SYT16: variants seen among roughly 807,000 people sequenced by gnomAD.
SYT16 encodes synaptotagmin-16.
SYT16 carries 42 observed loss-of-function variants against 61.4 expected under a neutral mutation model. The ratio of observed to expected loss-of-function variants is 0.68; its 90% confidence interval spans 0.53 to 0.89. The LOEUF (loss-of-function observed/expected upper bound fraction) is 0.89. Among genes scored for constraint, SYT16 ranks in the 40% least tolerant of loss-of-function variants. The pLI is 0.00. For synonymous variants in SYT16, 314 were observed against 302.3 expected (o/e 1.04, Z -0.40); for missense variants, 804 against 807.3 (o/e 1.00, Z 0.05).
intron 3 of SYT16, among the ~76,000 whole-genome samples, chr14:62,015,118 T>C (rs2053617218): frequency 1.3e-5 from 2 of 152,230 alleles, no homozygotes; most frequent in Non-Finnish European, 2.9e-5. Context: ...CTGCTTCCTC[T>C]TCTATGTTCC....
chr14:61,854,695 C>A (rs2140276770), intron 1 of SYT16, among the ~76,000 whole-genome samples: 1 of 152,356 alleles, frequency 6.6e-6, no homozygotes, highest in South Asian at 2.1e-4. Context: ...AGGAACCCAA[C>A]ATTGATTGCC....
chr14:61,857,438 C>A (rs896285222), intron 1 of SYT16, among the ~76,000 whole-genome samples: 78 of 152,166 alleles, frequency 5.1e-4, no homozygotes, highest in African/African-American at 1.8e-3. Flanking sequence ...TGACATGTAC[C>A]ATAGAAAGTG....
intron 1 of SYT16, among the ~76,000 whole-genome samples, chr14:61,904,662 T>C (rs985694499): frequency 3.9e-5 from 6 of 152,194 alleles, no homozygotes; most frequent in African/African-American, 1.4e-4. Context: ...CTCACTGAAG[T>C]GATGGTGCCT....
intron 1 of SYT16, among the ~76,000 whole-genome samples, chr14:61,825,676 CTA>C (rs952449258): frequency 7.3e-4 from 111 of 152,172 alleles, no homozygotes; most frequent in African/African-American, 2.1e-3. Flanking sequence ...GAGCAAGACT[CTA>C]TCTTAACAGC....
chr14:62,049,205 G>A (rs2140881136), intron 3 of SYT16, among the ~76,000 whole-genome samples: 1 of 152,324 alleles, frequency 6.6e-6, no homozygotes, highest in Non-Finnish European at 1.5e-5. Context: ...TCTTCTTGTT[G>A]AATTGATCCC....
intron 1 of SYT16, among the ~76,000 whole-genome samples, chr14:61,881,800 C>G (rs1383661605): frequency 6.6e-6 from 1 of 152,138 alleles, no homozygotes; most frequent in Non-Finnish European, 1.5e-5. Flanking sequence ...TCAACATGTC[C>G]AAAATGTGTT....
chr14:61,929,827 C>T (rs886490559), intron 1 of SYT16, among the ~76,000 whole-genome samples: 5 of 152,272 alleles, frequency 3.3e-5, no homozygotes, highest in Middle Eastern at 6.8e-3. Flanking sequence ...TTAAATGTTG[C>T]TCAATTGCCT....
intron 3 of SYT16, among the ~76,000 whole-genome samples, chr14:62,000,885 C>T (rs750454043): frequency 3.3e-5 from 5 of 152,010 alleles, no homozygotes; most frequent in African/African-American, 4.8e-5. Context: ...ATGCAATAAA[C>T]GTATAATACG....
intron 5 of SYT16, among the ~76,000 whole-genome samples, chr14:62,078,172 A>AAACACACACACACACACACACACACAC (rs1555382591): frequency 2.3e-5 from 3 of 128,784 alleles, no homozygotes; most frequent in African/African-American, 9.4e-5. Flanking sequence ...TATATATATA[A>AAACACACACACACACACACACACACAC]ACACACACAC....
chr14:61,851,343 C>T (rs1467704991), intron 1 of SYT16, among the ~76,000 whole-genome samples: 1 of 152,166 alleles, frequency 6.6e-6, no homozygotes, highest in Non-Finnish European at 1.5e-5. Flanking sequence ...CATGTCTTTG[C>T]TATTGTGAAT....
intron 1 of SYT16, among the ~76,000 whole-genome samples, chr14:61,909,380 T>C (rs910577955): frequency 3.3e-5 from 5 of 152,096 alleles, no homozygotes; most frequent in Admixed American, 1.3e-4. Context: ...GAAATCAGGG[T>C]GTTGGCAGGG....
chr14:62,046,953 A>G (rs2055018387), intron 3 of SYT16, among the ~76,000 whole-genome samples: 1 of 152,206 alleles, frequency 6.6e-6, no homozygotes, highest in Admixed American at 6.5e-5. Flanking sequence ...TTTTGGTTCC[A>G]TATGAACTTT....
chr14:61,867,688 G>A (rs1328222451), intron 1 of SYT16, among the ~76,000 whole-genome samples: 1 of 152,154 alleles, frequency 6.6e-6, no homozygotes, highest in East Asian at 1.9e-4. Flanking sequence ...AAATATGACA[G>A]ACTTAGGAAG....
At chr14:61,906,055 A>G (rs1298071032) in intron 1 of SYT16, among the ~76,000 whole-genome samples, 1 of 152,168 alleles carries the variant, frequency 6.6e-6, no homozygotes, top group Non-Finnish European at 1.5e-5. Context: ...GCGCCCAGCC[A>G]TGGACTTCTC....
intron 1 of SYT16, among the ~76,000 whole-genome samples, chr14:61,822,320 T>A (rs2045642912): frequency 6.6e-6 from 1 of 152,110 alleles, no homozygotes; most frequent in South Asian, 2.1e-4. Context: ...TTTCCCACAC[T>A]CCTTCTTTGT....
intron 1 of SYT16, among the ~76,000 whole-genome samples, chr14:61,927,925 T>C (rs1221495112): frequency 6.6e-6 from 1 of 152,062 alleles, no homozygotes; most frequent in Non-Finnish European, 1.5e-5. Context: ...GGAAATATCA[T>C]GCCTGGTTTA....
At chr14:61,820,498 T>TTC in intron 1 of SYT16, among the ~76,000 whole-genome samples, 1 of 144,380 alleles carries the variant, frequency 6.9e-6, no homozygotes, top group Admixed American at 6.9e-5. Flanking sequence ...TTTTTTTTTT[T>TTC]TGAGACGTAG....
Position 61,818,302 on chromosome 14 carries a change from A to T in SYT16, c.-325+5492A>T, listed in dbSNP as rs79441224. 8.4e-3 allele frequency among the ~76,000 whole-genome samples: 1,275 copies of T among 152,286 alleles called. 17 individuals carry two copies. Among genetic ancestry groups the T allele is most frequent in the African/African-American group, 0.029 (1,202 of 41,548 alleles). ...ATTTTGAAGGCAAATCCAAGACATC[A>T]TGATGCTTCACTGCCCCTCTGTGCA... On this transcript the variant is annotated intron_variant, in intron 1 of 7. Transcript: ENST00000683842.
At chr14:61,893,844 C>G (rs559318123) in intron 1 of SYT16, among the ~76,000 whole-genome samples, 1 of 152,324 alleles carries the variant, frequency 6.6e-6, no homozygotes, top group African/African-American at 2.4e-5. Flanking sequence ...CCATGTCCCC[C>G]GATTCTGCAT....
Sources: gnomAD v4.1 joint callset for allele counts (sites outside exome capture counted in the v4.1 genomes callset) on GRCh38, gnomAD v4.1.1 for gene constraint, MANE v1.5 for transcripts, NCBI Gene and HGNC (gene_info 2026-07-23, HGNC 2026-07-21) for gene names.